Variants in FAM222B observed in about 807,000 individuals in gnomAD.
FAM222B encodes family with sequence similarity 222 member B, also known as protein FAM222B.
Under a neutral mutation model 38.0 loss-of-function variants are expected in FAM222B, and 12 were observed. That is an observed-to-expected ratio of 0.32 (90% CI 0.20 to 0.51). The LOEUF is 0.51. Ranked by LOEUF, FAM222B falls within the 20% of genes least tolerant of loss-of-function variation. The pLI is 0.97. For missense variants in FAM222B, 716 were observed against 754.2 expected, an observed-to-expected ratio of 0.95 and a Z score of 0.59; for synonymous variants, 329 against 317.2, an observed-to-expected ratio of 1.04 and a Z score of -0.40.
chr17:28,758,585 C>T lies in FAM222B; in HGVS notation c.1374G>A (p.Leu458=), dbSNP rs1171126256. The change falls in exon 3 of 3, where the codon CTG becomes CTA. Residue 458 remains leucine, a synonymous_variant. Transcript: ENST00000581407. ...HYFQPLWNNI[L]PTPNSDSSGS... Reference sequence around the variant, plus strand: ...CCGAGCTGTCGCTATTGGGAGTGGGCAGAATGTTGTTCCACAGGGGTTGGA... The same window carrying T: ...CCGAGCTGTCGCTATTGGGAGTGGGTAGAATGTTGTTCCACAGGGGTTGGA... The T allele has an allele frequency of 1.2e-6, 2 of 1,610,426 alleles. No homozygotes were observed. The highest frequency in any genetic ancestry group is 1.7e-6 in the Non-Finnish European group (2 of 1,179,870).
At chr17:28,796,374 C>T (rs770390474) in intron 1 of FAM222B, among the ~76,000 whole-genome samples, 10 of 152,184 alleles carry the variant, frequency 6.6e-5, no homozygotes, top group Non-Finnish European at 1.0e-4. Flanking sequence ...CTCAGCAATT[C>T]CAGTTAATAC....
intron 1 of FAM222B, among the ~76,000 whole-genome samples, chr17:28,790,993 G>C (rs995562702): frequency 2.1e-5 from 3 of 139,770 alleles, no homozygotes; most frequent in Non-Finnish European, 4.5e-5. Context: ...CCGCCTCCCA[G>C]GTCCACGCCA....
chr17:28,822,195 T>C (rs1009065629), intron 1 of FAM222B, among the ~76,000 whole-genome samples: 11 of 150,862 alleles, frequency 7.3e-5, no homozygotes, highest in Admixed American at 3.3e-4. Context: ...CTAATTTGTA[T>C]ATTTTTAGTA....
In FAM222B at chr17:28,759,465, G is replaced by A. The variant is rs2034946640; in HGVS notation, c.494C>T (p.Ala165Val). Residue 165 changes from alanine to valine, a missense_variant, in exon 3 of 3, where the codon GCC becomes GTC. Transcript: ENST00000581407. This position sits in a 1 kb window ranked among gnomAD's most constrained non-coding sequence, Gnocchi z 4.8. ...CTGCAGCGTCTGGGGAGGGGCATGG[G>A]CCAGGGTCTGTGCATGCTGCAGGGC... ...QQALQHAQTL[A>V]HAPPQTLQHP... The A allele has an allele frequency of 6.4e-7, 1 of 1,570,742 alleles. No individual in the cohort carries two copies. Among genetic ancestry groups the A allele is most frequent in the Non-Finnish European group, 8.6e-7 (1 of 1,159,206 alleles).
intron 1 of FAM222B, among the ~76,000 whole-genome samples, chr17:28,797,813 A>G (rs1006518145): frequency 2.6e-5 from 4 of 152,180 alleles, no homozygotes; most frequent in African/African-American, 9.7e-5. Flanking sequence ...CTGTAATCCC[A>G]GAAATTTAGG....
chr17:28,775,892 A>C (rs7225345), intron 1 of FAM222B, among the ~76,000 whole-genome samples: 1 of 150,976 alleles, frequency 6.6e-6, no homozygotes, highest in East Asian at 1.9e-4. Context: ...AAAAAAAAAA[A>C]CAAAAACAAA....
chr17:28,774,640 T>C (rs2035798683), intron 1 of FAM222B, among the ~76,000 whole-genome samples: 1 of 152,188 alleles, frequency 6.6e-6, no homozygotes, highest in South Asian at 2.1e-4. Flanking sequence ...AGAGTTCTGA[T>C]GTCACACTCT....
At chr17:28,765,523 G>GGAA (rs908170390) in intron 2 of FAM222B, among the ~76,000 whole-genome samples, 2 of 152,172 alleles carry the variant, frequency 1.3e-5, no homozygotes, top group African/African-American at 4.8e-5. Flanking sequence ...CCTATCAAAG[G>GGAA]GAAGCCTAGC....
chr17:28,764,229 G>A (rs893678929), intron 2 of FAM222B, among the ~76,000 whole-genome samples: 16 of 134,198 alleles, frequency 1.2e-4, no homozygotes, highest in African/African-American at 4.2e-4. Flanking sequence ...CCGAGATTGC[G>A]CCACTGCACT....
rs567124651 is a variant in FAM222B at position 28,763,406 on chromosome 17, C to T, written c.82+3180G>A. Among the ~76,000 whole-genome samples the T allele has an allele frequency of 1.5e-4, 23 of 152,304 alleles. No individual in the cohort carries two copies. The South Asian group carries it at 4.8e-3, about 32-fold the overall frequency. On this transcript the variant is annotated intron_variant, in intron 2 of 2. Transcript: ENST00000581407. Reference sequence around the variant, plus strand: ...CACAAAGAAAACTGACTAAGGAAGCCCCAACTGCAGGACAACCTGGCCTTC... The same window carrying T: ...CACAAAGAAAACTGACTAAGGAAGCTCCAACTGCAGGACAACCTGGCCTTC...
chr17:28,775,003 A>ATT (rs34758668), intron 1 of FAM222B, among the ~76,000 whole-genome samples: 27,277 of 125,540 alleles, frequency 0.22, 3,538 homozygotes, highest in South Asian at 0.31. Flanking sequence ...TCTCAGCTGT[A>ATT]TTTTTTTTTT....
At chr17:28,761,419 G>A (rs1267306526) in intron 2 of FAM222B, among the ~76,000 whole-genome samples, 1 of 152,218 alleles carries the variant, frequency 6.6e-6, no homozygotes, top group Non-Finnish European at 1.5e-5. Flanking sequence ...TCAGCTAGCC[G>A]ACTCTCTCCT....
intron 1 of FAM222B, among the ~76,000 whole-genome samples, chr17:28,796,833 G>T (rs1284484518): frequency 6.6e-6 from 1 of 152,036 alleles, no homozygotes; most frequent in African/African-American, 2.4e-5. Flanking sequence ...CTTGACGGCA[G>T]TTATAACTAT....
rs1254235399 is a variant in FAM222B at position 28,822,832 on chromosome 17, AATATAT to A, written c.-41+19844_-41+19849del. Among the ~76,000 whole-genome samples the A allele has an allele frequency of 7.6e-3, 324 of 42,750 alleles. 3 individuals are homozygous for A. Among genetic ancestry groups the A allele is most frequent in the African/African-American group, 0.021 (183 of 8,536 alleles). 28.0% of individuals were successfully genotyped at this position (42,750 alleles called of 152,430 possible). On this transcript the variant is annotated intron_variant, in intron 1 of 2. Coordinates refer to ENST00000581407, the MANE Select transcript of FAM222B (RefSeq NM_001077498.3). Reference sequence around the variant, plus strand: ...AAAAAAAAAAAAAAAAAAAAAAAAAAATATATATATATATATATATATATATATATA... The same window carrying A: ...AAAAAAAAAAAAAAAAAAAAAAAAAAATATATATATATATATATATATATA...
chr17:28,839,034 C>G (rs2038946620), intron 1 of FAM222B, among the ~76,000 whole-genome samples: 1 of 152,026 alleles, frequency 6.6e-6, no homozygotes, highest in Non-Finnish European at 1.5e-5. Flanking sequence ...GAAACCCCGT[C>G]TCTACTAAAA....
At chr17:28,786,319 A>T (rs1028775675) in intron 1 of FAM222B, among the ~76,000 whole-genome samples, 29 of 152,234 alleles carry the variant, frequency 1.9e-4, no homozygotes, top group African/African-American at 7.0e-4. Flanking sequence ...AACTATAAGC[A>T]AGGTAAATCC....
chr17:28,805,774 CA>C (rs2037467376), intron 1 of FAM222B, among the ~76,000 whole-genome samples: 1 of 152,032 alleles, frequency 6.6e-6, no homozygotes, highest in African/African-American at 2.4e-5. Flanking sequence ...AAGAAAAAAA[CA>C]AATTTTTCAG....
At chr17:28,797,750 C>A (rs1252505824) in intron 1 of FAM222B, among the ~76,000 whole-genome samples, 1 of 152,118 alleles carries the variant, frequency 6.6e-6, no homozygotes, top group African/African-American at 2.4e-5. Context: ...TATCATCAGC[C>A]CCATTTTCAC....
chr17:28,789,323 G>A (rs1567836383), intron 1 of FAM222B, among the ~76,000 whole-genome samples: 6 of 151,362 alleles, frequency 4.0e-5, no homozygotes, highest in Non-Finnish European at 8.8e-5. Context: ...TCAGCCTCAT[G>A]AGTAGCTGGG....
Sources: allele counts gnomAD v4.1 joint callset (sites outside exome capture counted in the v4.1 genomes callset), GRCh38; gene constraint gnomAD v4.1.1; non-coding constraint Gnocchi (gnomAD v3.1); transcripts MANE v1.5; gene names NCBI Gene and HGNC (gene_info 2026-07-23, HGNC 2026-07-21).